Variants in DNMT3B observed in about 807,000 individuals in gnomAD.
The protein encoded by DNMT3B is DNA (cytosine-5)-methyltransferase 3B.
In DNMT3B, 37 loss-of-function variants were observed where a neutral mutation model predicts 120.2. The ratio of observed to expected loss-of-function variants is 0.31; its 90% CI spans 0.24 to 0.40. The LOEUF (loss-of-function observed/expected upper bound fraction) is 0.40. DNMT3B is among the 10% of genes least tolerant of loss of function. The pLI is 1.00. For synonymous variants in DNMT3B, 412 were observed against 442.8 expected (o/e 0.93, Z 0.87); for missense variants, 878 against 1,137.3 (o/e 0.77, Z 3.28).
intron 7 of DNMT3B, among the ~76,000 whole-genome samples, 174 bp downstream of exon 7, chr20:32,789,186 A>T (rs558666547): frequency 6.6e-6 from 1 of 152,364 alleles, no homozygotes; most frequent in South Asian, 2.1e-4. Context: ...GATTCCACTC[A>T]CACGGGGGAC....
chr20:32,776,196 TCCAGCCCA>T lies in DNMT3B; in HGVS notation c.-6-4121_-6-4114del, dbSNP rs1336639089. On this transcript the variant is annotated intron_variant, in intron 1 of 22. Transcript: ENST00000328111. The stretch of plus-strand genomic sequence containing the variant: ...GTGAGCCGAGATCGCGCCACTGCAC[TCCAGCCCA>T]GGTGACAGAGACTTGATCTTAAAAA... Among the ~76,000 whole-genome samples, 8 of 150,270 alleles carry T rather than the reference TCCAGCCCA, an allele frequency of 5.3e-5. No individual in the cohort carries two copies. In the South Asian group the frequency reaches 1.7e-3, roughly 32 times the overall value.
intron 15 of DNMT3B, 79 bp from the exon 16 acceptor site, chr20:32,799,165 G>C (rs1355774169): frequency 1.3e-6 from 2 of 1,502,246 alleles, no homozygotes; most frequent in Non-Finnish European, 1.8e-6. Context: ...CCTCTGAGCA[G>C]GGTCAGCCTG....
chr20:32,763,425 G>C (rs1945732538), intron 1 of DNMT3B, among the ~76,000 whole-genome samples: 1 of 152,188 alleles, frequency 6.6e-6, no homozygotes, highest in Non-Finnish European at 1.5e-5. Flanking sequence ...GAGCCGGCCG[G>C]AGGGGCGGCG....
intron 2 of DNMT3B, 109 bp downstream of exon 2, chr20:32,780,574 C>T: frequency 2.0e-6 from 3 of 1,500,036 alleles, no homozygotes; most frequent in East Asian, 2.4e-5. Flanking sequence ...CACCACAATT[C>T]CCCGGGAGGG....
chr20:32,781,345 C>T lies in DNMT3B; in HGVS notation c.143-8C>T, dbSNP rs200349528. On this transcript the variant is annotated splice_polypyrimidine_tract_variant and splice_region_variant and intron_variant, in intron 2 of 22. Transcript: ENST00000328111. ...CACAAAACAGACTCCTGGCTGTTTC[C>T]TCTACAGGCCGAAGATCAAGCTCGC... The T allele has an allele frequency of 1.8e-4, 289 of 1,613,988 alleles. 1 individual carries two copies. The highest frequency in any genetic ancestry group is 1.7e-3 in the Admixed American group (100 of 59,994).
chr20:32,780,333 G>A lies in DNMT3B; in HGVS notation c.10G>A (p.Asp4Asn), dbSNP rs778827030. Reference protein sequence around the residue: MKGDTRHLNGEEDA... With the variant: MKGNTRHLNGEEDA... ...TCTCCCACAGGAAAGCATGAAGGGAGACACCAGGCATCTCAATGGAGAGGA... is the reference window on the plus strand; with the variant it reads ...TCTCCCACAGGAAAGCATGAAGGGAAACACCAGGCATCTCAATGGAGAGGA... Residue 4 changes from aspartate (D) to asparagine (N), a missense_variant, in exon 2 of 23, where the codon GAC becomes AAC. Asp to Asn is a conservative substitution (Grantham distance 23, BLOSUM62 1). Around this residue, in one of 4 missense-constraint regions of DNMT3B, gnomAD observed 287 missense variants for 306.2 expected, o/e 0.94. Coordinates refer to ENST00000328111, the MANE Select transcript of DNMT3B (RefSeq NM_006892.4). The A allele has an allele frequency of 1.2e-6, 2 of 1,613,906 alleles. No homozygotes were observed. The highest frequency in any genetic ancestry group is 1.7e-6 in the Non-Finnish European group (2 of 1,180,040).
intron 3 of DNMT3B, among the ~76,000 whole-genome samples, chr20:32,783,871 G>A (rs2889702): frequency 0.39 from 58,092 of 150,710 alleles, 12,575 homozygotes; most frequent in East Asian, 0.92. Flanking sequence ...GCTTACAGGC[G>A]TGCACCACCA....
chr20:32,767,316 A>G (rs1030926810), intron 1 of DNMT3B, among the ~76,000 whole-genome samples: 9 of 149,918 alleles, frequency 6.0e-5, no homozygotes, highest in Non-Finnish European at 1.1e-4. Flanking sequence ...GGGATACTCA[A>G]TTTTCCAGTA....
Position 32,788,218 on chromosome 20 carries a change from G to C in DNMT3B, c.655-636G>C, listed in dbSNP as rs553540200. On this transcript the variant is annotated intron_variant, in intron 6 of 22. Coordinates refer to ENST00000328111, the MANE Select transcript of DNMT3B (RefSeq NM_006892.4). ...GCTCAGAGGCCTGACAATACATATTGTGATTCTGTTCATCAGAGTGCACAT... is the reference window on the plus strand; with the variant it reads ...GCTCAGAGGCCTGACAATACATATTCTGATTCTGTTCATCAGAGTGCACAT... Among the ~76,000 whole-genome samples the C allele has an allele frequency of 5.8e-4, 88 of 152,272 alleles. 1 individual carries two copies. Among genetic ancestry groups the C allele is most frequent in the African/African-American group, 2.1e-3 (86 of 41,534 alleles).
intron 1 of DNMT3B, among the ~76,000 whole-genome samples, chr20:32,775,350 C>G (rs924909490): frequency 2.6e-5 from 4 of 152,230 alleles, no homozygotes; most frequent in Non-Finnish European, 5.9e-5. Flanking sequence ...ACGAAGTGCT[C>G]TGAAACAGCT....
chr20:32,776,307 C>G (rs531726401), intron 1 of DNMT3B, among the ~76,000 whole-genome samples: 3 of 151,844 alleles, frequency 2.0e-5, no homozygotes, highest in Admixed American at 2.0e-4. Flanking sequence ...CTGTTAGCTA[C>G]TTAATGTTAC....
rs1980238329 is a variant in DNMT3B at position 32,793,527 on chromosome 20, C to T, written c.1067-9C>T. The T allele has an allele frequency of 6.2e-7, 1 of 1,613,824 alleles. No individual in the cohort carries two copies. On this transcript the variant is annotated splice_polypyrimidine_tract_variant and intron_variant, in intron 9 of 22. Coordinates refer to ENST00000328111, the MANE Select transcript of DNMT3B (RefSeq NM_006892.4). ...TTTTTTCTGTTTTGTTTTGTTTTCC[C>T]CTCAAAAGTGGTTAATAAGTCGAAG...
At chr20:32,801,713 T>A (rs1981365764) in intron 19 of DNMT3B, among the ~76,000 whole-genome samples, 2 of 152,106 alleles carry the variant, frequency 1.3e-5, no homozygotes, top group Non-Finnish European at 2.9e-5. Context: ...GCCTCCCAAA[T>A]GGCTGGGACT....
chr20:32,776,150 A>C (rs1285891658), intron 1 of DNMT3B, among the ~76,000 whole-genome samples: 1 of 151,116 alleles, frequency 6.6e-6, no homozygotes, highest in Non-Finnish European at 1.5e-5. Flanking sequence ...AATCGCTTGA[A>C]CCCGGGAGGT....
chr20:32,780,063 TC>T, intron 1 of DNMT3B: 1 of 1,604,664 alleles, frequency 6.2e-7, no homozygotes. Flanking sequence ...AGCCCTGGCC[TC>T]CCCACTCTGT....
Position 32,801,422 on chromosome 20 carries a change from T to C in DNMT3B, c.2141T>C (p.Leu714Pro). The change falls in exon 19 of 23, where the codon CTG (leucine) becomes CCG (proline). Residue 714 changes from leucine (L) to proline (P), a missense_variant. Transcript: ENST00000328111. The part of the protein sequence containing the change: ...VGDKRDISRF[L>P]ECNPVMIDAI... ...GACAAGAGGGACATCTCACGGTTCC[T>C]GGAGGTGAGGGAATCTGGGGACCTG... 1 of 1,613,984 alleles carries C rather than the reference T, an allele frequency of 6.2e-7. No individual in the cohort carries two copies. The highest frequency in any genetic ancestry group is 1.1e-5 in the South Asian group (1 of 91,068).
chr20:32,779,247 A>G (rs989519118), intron 1 of DNMT3B, among the ~76,000 whole-genome samples: 25 of 152,326 alleles, frequency 1.6e-4, no homozygotes, highest in African/African-American at 5.3e-4. Context: ...AGCAAAGGCA[A>G]GTGACTTGGA....
intron 1 of DNMT3B, among the ~76,000 whole-genome samples, chr20:32,764,807 G>A (rs950545470): frequency 6.6e-6 from 1 of 152,202 alleles, no homozygotes. Flanking sequence ...CCTTGCAAAG[G>A]ATGGGGGGAG....
In DNMT3B at chr20:32,791,535, A is replaced by T. The variant is rs969477762; in HGVS notation, c.814-66A>T. 1.3e-5 allele frequency: 19 copies of T among 1,500,708 alleles called. No homozygotes were observed. The African/African-American group carries it at 2.6e-4, about 21-fold the overall frequency. 93.0% of individuals were successfully genotyped at this position (1,500,708 alleles called of 1,614,324 possible). A position where few individuals can be genotyped will look rare whatever the true frequency, so the allele number is the denominator to read the frequency against. On this transcript the variant is annotated intron_variant, in intron 7 of 22. Transcript: ENST00000328111. ...AAATCTTCTGCATCTGATGGACAAC[A>T]TTGTGATAGACATGGCACCTGGGAC...
Sources: gnomAD v4.1 joint callset for allele counts (sites outside exome capture counted in the v4.1 genomes callset) on GRCh38, gnomAD v4.1.1 for gene constraint, gnomAD v4.1.1 regional missense constraint, MANE v1.5 for transcripts, NCBI Gene and HGNC (gene_info 2026-07-23, HGNC 2026-07-21) for gene names.